Variants in OXNAD1 observed in about 807,000 individuals in gnomAD.
The protein encoded by OXNAD1 is oxidoreductase NAD-binding domain-containing protein 1.
OXNAD1 carries 34 observed loss-of-function variants against 32.9 expected under a neutral mutation model. The ratio of observed to expected loss-of-function variants is 1.03; its 90% confidence interval spans 0.79 to 1.38. The LOEUF (loss-of-function observed/expected upper bound fraction) is 1.38. Among genes scored for constraint, OXNAD1 ranks in the 40% most tolerant of loss-of-function variants. OXNAD1 has a pLI of 0.00. For synonymous variants in OXNAD1, 134 were observed against 135.2 expected, an observed-to-expected ratio of 0.99 and a Z score of 0.06; for missense variants, 407 against 379.4, an observed-to-expected ratio of 1.07 and a Z score of -0.60.
chr3:16,307,055 C>T (rs535732741), downstream of OXNAD1, among the ~76,000 whole-genome samples: 3 of 152,124 alleles, frequency 2.0e-5, no homozygotes, highest in South Asian at 6.2e-4. Flanking sequence ...TAGAACTTTC[C>T]CTCATCAGCT....
chr3:16,265,649 G>A lies in OXNAD1; in HGVS notation c.-159+144G>A, dbSNP rs1244998392. 6.5e-6 allele frequency: 1 copy of A among 154,492 alleles called. No individual in the cohort carries two copies. Among genetic ancestry groups the A allele is most frequent in the East Asian group, 1.9e-4 (1 of 5,214 alleles). 9.6% of individuals were successfully genotyped at this position (154,492 alleles called of 1,614,324 possible). A position where few individuals can be genotyped will look rare whatever the true frequency, so the allele number is the denominator to read the frequency against. On this transcript the variant is annotated intron_variant, in intron 1 of 8. Transcript: ENST00000285083. This position sits in a 1 kb window ranked among gnomAD's most constrained non-coding sequence, Gnocchi z 4.8. ...ACATTATTAACGACGATGATTTTTA[G>A]TAATAGTAATAACATCACCTTTTAT...
chr3:16,296,417 T>G (rs1362996176), intron 6 of OXNAD1, among the ~76,000 whole-genome samples: 1 of 152,190 alleles, frequency 6.6e-6, no homozygotes, highest in Non-Finnish European at 1.5e-5. Context: ...ATTTACAGAT[T>G]TAACATAACA....
chr3:16,341,891 T>C (rs76144803), downstream of OXNAD1, among the ~76,000 whole-genome samples: 6,942 of 152,250 alleles, frequency 0.046, 178 homozygotes, highest in Middle Eastern at 0.085. The surrounding 1 kb of genome is among the most constrained non-coding windows in gnomAD (Gnocchi z 4.7). Flanking sequence ...CAAATATAGA[T>C]AGAATATACA....
At chr3:16,333,131 C>T (rs188539953) in intron 9 of OXNAD1, among the ~76,000 whole-genome samples, 101 of 152,296 alleles carry the variant, frequency 6.6e-4, no homozygotes, top group Non-Finnish European at 1.5e-4. Flanking sequence ...AGCATTCCTG[C>T]ACTTAGGAAC....
chr3:16,294,957 A>C lies in OXNAD1; in HGVS notation c.392A>C (p.Lys131Thr). 1 of 1,613,530 alleles carries C rather than the reference A, an allele frequency of 6.2e-7. No individual in the cohort carries two copies. The highest frequency in any genetic ancestry group is 8.5e-7 in the Non-Finnish European group (1 of 1,179,692). The change falls in exon 6 of 9, where the codon AAA (lysine) becomes ACA (threonine). Residue 131 changes from lysine to threonine, a missense_variant. Physicochemically the swap from Lys to Thr is moderately conservative, Grantham distance 78. Transcript: ENST00000285083. ...EQERVIELAVKYTNHPPALWV... is the reference protein window; with the variant it reads ...EQERVIELAVTYTNHPPALWV... ...GAGAGAGTGATAGAATTGGCAGTGA[A>C]ATATACGAACCACCCTCCTGCCCTC...
chr3:16,278,189 A>G (rs1235290984), intron 4 of OXNAD1, among the ~76,000 whole-genome samples: 3 of 152,250 alleles, frequency 2.0e-5, no homozygotes, highest in South Asian at 2.1e-4. Flanking sequence ...ATTGAAAATG[A>G]TAGATAAGCT....
rs536163949 is a variant in OXNAD1 at position 16,315,225 on chromosome 3, C to T, written c.*30+11633C>T. ...CTGCCTCCCAGGTTCAAGCAATTCT[C>T]CTGCCTCAGCCTCCCGAGTAGCTGA... On this transcript the variant is annotated intron_variant, in intron 9 of 9. Coordinates refer to the OXNAD1 transcript ENST00000435829. Among the ~76,000 whole-genome samples, 166 of 152,292 alleles carry T rather than the reference C, an allele frequency of 1.1e-3. 1 individual carries two copies. Among genetic ancestry groups the T allele is most frequent in the African/African-American group, 3.7e-3 (155 of 41,560 alleles).
In OXNAD1 at chr3:16,305,812, A is replaced by C. The variant is rs983865266; in HGVS notation, c.*2250A>C. 1.1e-4 allele frequency: 16 copies of C among 152,202 alleles called. No homozygotes were observed. Among genetic ancestry groups the C allele is most frequent in the African/African-American group, 3.9e-4 (16 of 41,458 alleles). The allele number at this position is 152,202 out of a possible 1,614,324, so 9.4% of individuals were successfully genotyped here. ...ATGATACTGCTGCCTACCTACCTAC[A>C]TGATAGGGCTGTTACGGGGATTGAA... On this transcript the variant is annotated 3_prime_UTR_variant, in exon 9 of 9. Transcript: ENST00000285083. The surrounding 1 kb of genome is among the most constrained non-coding windows in gnomAD (Gnocchi z 4.5).
rs1411097792 is a variant in OXNAD1 at position 16,301,649 on chromosome 3, T to A, written c.456T>A (p.Ala152=). The A allele has an allele frequency of 6.2e-7, 1 of 1,613,836 alleles. No homozygotes were observed. Among genetic ancestry groups the A allele is most frequent in the Non-Finnish European group, 8.5e-7 (1 of 1,179,928 alleles). The part of the protein sequence containing the change: ...HNTCTLDCEV[A]VRVGGEFFFD... ...AGTGTACACTTGACTGTGAAGTGGC[T>A]GTGAGAGTGGGTGGAGAGTTCTTCT... The change falls in exon 7 of 9, where the codon GCT becomes GCA. Residue 152 remains alanine (A), a synonymous_variant. Coordinates refer to ENST00000285083, the MANE Select transcript of OXNAD1 (RefSeq NM_138381.5). The surrounding 1 kb of genome is among the most constrained non-coding windows in gnomAD (Gnocchi z 4.1).
intron 1 of OXNAD1, among the ~76,000 whole-genome samples, chr3:16,266,751 A>G (rs1293373046): frequency 6.6e-6 from 1 of 152,148 alleles, no homozygotes; most frequent in African/African-American, 2.4e-5. Context: ...CAAGGAAGAG[A>G]AGGGGTCAAT....
intron 4 of OXNAD1, among the ~76,000 whole-genome samples, chr3:16,282,820 C>CT (rs11379565): frequency 0.38 from 27,206 of 71,954 alleles, 7,069 homozygotes; most frequent in South Asian, 0.46. Flanking sequence ...GGACTTTCAG[C>CT]TTTTTTTTTT....
At chr3:16,275,693 G>C (rs529845714) in intron 4 of OXNAD1, 1 of 176,706 alleles carries the variant, frequency 5.7e-6, no homozygotes, top group Non-Finnish European at 1.3e-5. Flanking sequence ...ATTAACTACG[G>C]GTTTAGAAAA....
chr3:16,294,951 C>A lies in OXNAD1; in HGVS notation c.386C>A (p.Ala129Glu). The change falls in exon 6 of 9, where the codon GCA becomes GAA. Residue 129 changes from alanine to glutamate, a missense_variant. Coordinates refer to ENST00000285083, the MANE Select transcript of OXNAD1 (RefSeq NM_138381.5). ...GAACAAGAGAGAGTGATAGAATTGGCAGTGAAATATACGAACCACCCTCCT... is the reference window on the plus strand; with the variant it reads ...GAACAAGAGAGAGTGATAGAATTGGAAGTGAAATATACGAACCACCCTCCT... ...LLEQERVIEL[A>E]VKYTNHPPAL... 6.2e-7 allele frequency: 1 copy of A among 1,613,210 alleles called. No homozygotes were observed. The highest frequency in any genetic ancestry group is 8.5e-7 in the Non-Finnish European group (1 of 1,179,560).
rs747736757 is a variant in OXNAD1, at chr3:16,301,896, A to C, written c.675+28A>C. ...AAGGGAGGTATAGCTTGCTGTAAGC[A>C]AACTTGTGTAGTGGTATTAATTGTT... On this transcript the variant is annotated intron_variant, in intron 7 of 8. Coordinates refer to ENST00000285083, the MANE Select transcript of OXNAD1 (RefSeq NM_138381.5). The surrounding 1 kb of genome is among the most constrained non-coding windows in gnomAD (Gnocchi z 4.1). 3 of 1,606,112 alleles carry C rather than the reference A, an allele frequency of 1.9e-6. No homozygotes were observed. In the African/African-American group the frequency reaches 4.0e-5, roughly 22 times the overall value.
intron 2 of OXNAD1, 116 bp from the exon 3 acceptor site, chr3:16,270,829 G>C (rs182348072): frequency 6.9e-7 from 1 of 1,445,606 alleles, no homozygotes; most frequent in Admixed American, 2.2e-5. Flanking sequence ...GTGGTAACTT[G>C]ACTCATAATA....
At chr3:16,328,311 G>GGCA (rs2069941123) in intron 9 of OXNAD1, among the ~76,000 whole-genome samples, 1 of 152,224 alleles carries the variant, frequency 6.6e-6, no homozygotes, top group African/African-American at 2.4e-5. Flanking sequence ...GGCAGCGCGC[G>GGCA]TGACCATGGT....
intron 9 of OXNAD1, among the ~76,000 whole-genome samples, chr3:16,343,253 C>T (rs2071427844): frequency 6.6e-6 from 1 of 152,200 alleles, no homozygotes; most frequent in Admixed American, 6.5e-5. Flanking sequence ...GGTAATGGAA[C>T]ATCCAAGTCA....
chr3:16,336,265 G>T lies in OXNAD1; in HGVS notation c.*31-847G>T, dbSNP rs1309352771. On this transcript the variant is annotated intron_variant, in intron 9 of 9. Transcript: ENST00000435829. The surrounding 1 kb of genome is among the most constrained non-coding windows in gnomAD (Gnocchi z 6.0). ...CATTCATGAATCTCACATTCAGTCA[G>T]CCTGGCTCTGTCTGTGCCACTTGGG... 6.6e-6 allele frequency among the ~76,000 whole-genome samples: 1 copy of T among 152,230 alleles called. No homozygotes were observed. The highest frequency in any genetic ancestry group is 1.5e-5 in the Non-Finnish European group (1 of 68,038).
chr3:16,347,474 A>G (rs690248), intron 9 of OXNAD1: 110,416 of 152,164 alleles, frequency 0.73, 40,160 homozygotes, highest in Non-Finnish European at 0.75. Context: ...GTTTTTTTCC[A>G]GCACTAGTGG....
Sources: gnomAD v4.1 joint callset for allele counts (sites outside exome capture counted in the v4.1 genomes callset) on GRCh38, gnomAD v4.1.1 for gene constraint, Gnocchi (gnomAD v3.1) non-coding constraint, MANE v1.5 for transcripts, NCBI Gene and HGNC (gene_info 2026-07-23, HGNC 2026-07-21) for gene names.